Variants in TMEM132D observed in about 807,000 individuals in gnomAD.
The protein encoded by TMEM132D is mature OL transmembrane protein.
TMEM132D carries 21 observed loss-of-function variants against 62.3 expected under a neutral mutation model. The ratio of observed to expected loss-of-function variants is 0.34; its 90% CI spans 0.24 to 0.49. TMEM132D has a LOEUF of 0.49. Among genes scored for constraint, TMEM132D ranks in the 20% least tolerant of loss-of-function variants. The pLI is 0.99. For synonymous variants in TMEM132D, 621 were observed against 575.6 expected (o/e 1.08, Z -1.13); for missense variants, 1,346 against 1,402.8 (o/e 0.96, Z 0.65).
intron 3 of TMEM132D, among the ~76,000 whole-genome samples, chr12:129,361,296 C>A (rs1351094295): frequency 6.6e-6 from 1 of 152,176 alleles, no homozygotes; most frequent in Non-Finnish European, 1.5e-5. Context: ...TTAGATCTTT[C>A]TAAGCTCATG....
intron 5 of TMEM132D, among the ~76,000 whole-genome samples, chr12:129,203,758 GCACAACCC>G: frequency 6.6e-6 from 1 of 152,210 alleles, no homozygotes; most frequent in South Asian, 2.1e-4. Context: ...GGACAGGCGG[GCACAACCC>G]CATATTTCCC....
intron 3 of TMEM132D, among the ~76,000 whole-genome samples, chr12:129,403,410 G>T (rs541670079): frequency 6.6e-6 from 1 of 151,554 alleles, no homozygotes; most frequent in Non-Finnish European, 1.5e-5. Flanking sequence ...TTGCAACACA[G>T]ATGTTAGGGG....
chr12:129,830,936 G>A (rs913468431), intron 1 of TMEM132D, among the ~76,000 whole-genome samples: 3 of 152,140 alleles, frequency 2.0e-5, no homozygotes, highest in African/African-American at 7.2e-5. Context: ...GAGAATTCAA[G>A]TGTTGGAGAC....
At chr12:129,359,811 T>G (rs1870188089) in intron 3 of TMEM132D, among the ~76,000 whole-genome samples, 1 of 151,800 alleles carries the variant, frequency 6.6e-6, no homozygotes, top group Non-Finnish European at 1.5e-5. Flanking sequence ...GTATTCTGAA[T>G]AAGAAGAAAT....
intron 1 of TMEM132D, among the ~76,000 whole-genome samples, chr12:129,758,823 T>C (rs1480283563): frequency 6.6e-6 from 1 of 152,234 alleles, no homozygotes; most frequent in African/African-American, 2.4e-5. Flanking sequence ...TACTGTATAA[T>C]GTCCTAGCCT....
At chr12:129,899,741 CATAA>C (rs1257941000) in intron 1 of TMEM132D, among the ~76,000 whole-genome samples, 1 of 152,140 alleles carries the variant, frequency 6.6e-6, no homozygotes, top group African/African-American at 2.4e-5. Flanking sequence ...TTTCTATGCA[CATAA>C]ATATTTTTAA....
Position 129,092,298 on chromosome 12 carries a change from CTTT to C in TMEM132D, c.1444-7599_1444-7597del, listed in dbSNP as rs1485435940. ...TAAATTTATGTTCTAATATTTCTCT[CTTT>C]CCTTTTTTTTTTTTTTTTGTTCAAG... is the stretch of plus-strand genomic sequence containing the variant. On this transcript the variant is annotated intron_variant, in intron 5 of 8. Coordinates refer to ENST00000422113, the MANE Select transcript of TMEM132D (RefSeq NM_133448.3). 2.7e-5 allele frequency among the ~76,000 whole-genome samples: 3 copies of C among 111,114 alleles called. No individual in the cohort carries two copies. The Admixed American group carries it at 3.4e-4, about 13-fold the overall frequency. The allele number at this position is 111,114 out of a possible 152,430, so 72.9% of individuals were successfully genotyped here.
intron 3 of TMEM132D, among the ~76,000 whole-genome samples, chr12:129,525,540 G>A (rs1299770878): frequency 6.6e-6 from 1 of 152,066 alleles, no homozygotes; most frequent in Non-Finnish European, 1.5e-5. Flanking sequence ...TACTACATGG[G>A]TGCTTTAAGA....
intron 1 of TMEM132D, among the ~76,000 whole-genome samples, chr12:129,794,460 T>C (rs1371615720): frequency 6.6e-6 from 1 of 152,114 alleles, no homozygotes; most frequent in African/African-American, 2.4e-5. Context: ...CTTTTAAATA[T>C]TTGCCTGGTT....
intron 2 of TMEM132D, among the ~76,000 whole-genome samples, chr12:129,630,395 A>T (rs1051438284): frequency 2.0e-5 from 3 of 152,090 alleles, no homozygotes; most frequent in Admixed American, 6.6e-5. Flanking sequence ...AGGAGTATTA[A>T]GGCTGAAAAT....
At chr12:129,476,002 G>A (rs189344467) in intron 3 of TMEM132D, among the ~76,000 whole-genome samples, 2 of 152,308 alleles carry the variant, frequency 1.3e-5, no homozygotes, top group East Asian at 1.9e-4. Context: ...TTGTAAGCGG[G>A]TGTTCCCTCT....
At chr12:129,270,810 T>C (rs191403948) in intron 4 of TMEM132D, among the ~76,000 whole-genome samples, 1 of 152,392 alleles carries the variant, frequency 6.6e-6, no homozygotes, top group East Asian at 1.9e-4. Context: ...GTGCTCATCC[T>C]CCAATTTGGT....
At chr12:129,860,888 A>G (rs1460837087) in intron 1 of TMEM132D, among the ~76,000 whole-genome samples, 1 of 152,224 alleles carries the variant, frequency 6.6e-6, no homozygotes, top group Admixed American at 6.5e-5. Context: ...CAGTATCACA[A>G]GAACAGGATT....
intron 4 of TMEM132D, among the ~76,000 whole-genome samples, chr12:129,292,815 C>G (rs1443754091): frequency 6.6e-6 from 1 of 152,080 alleles, no homozygotes; most frequent in African/African-American, 2.4e-5. Flanking sequence ...AGAGAAAGAC[C>G]TTTTCTTGGC....
intron 3 of TMEM132D, among the ~76,000 whole-genome samples, chr12:129,413,805 T>C (rs1872037282): frequency 6.6e-6 from 1 of 152,110 alleles, no homozygotes; most frequent in Admixed American, 6.6e-5. Flanking sequence ...ATAATAGAGG[T>C]TTGCACAGTG....
intron 3 of TMEM132D, among the ~76,000 whole-genome samples, chr12:129,373,642 A>G (rs962175225): frequency 6.6e-6 from 1 of 151,354 alleles, no homozygotes; most frequent in African/African-American, 2.4e-5. Flanking sequence ...AACAAACAAA[A>G]CAAAACAAAA....
At chr12:129,675,721 G>A (rs1209069933) in intron 2 of TMEM132D, among the ~76,000 whole-genome samples, 1 of 152,114 alleles carries the variant, frequency 6.6e-6, no homozygotes, top group Non-Finnish European at 1.5e-5. Flanking sequence ...GGGGGAGAAA[G>A]TAGTGGGTGG....
At chr12:129,648,063 C>T (rs1217181023) in intron 2 of TMEM132D, among the ~76,000 whole-genome samples, 5 of 152,180 alleles carry the variant, frequency 3.3e-5, no homozygotes, top group Non-Finnish European at 7.3e-5. Flanking sequence ...AAAACCAATG[C>T]ATTTTTCACA....
chr12:129,154,762 CCTT>C (rs1196658620), intron 5 of TMEM132D, among the ~76,000 whole-genome samples: 1 of 152,090 alleles, frequency 6.6e-6, no homozygotes, highest in African/African-American at 2.4e-5. Context: ...CTTTCTGACT[CCTT>C]AGAGATGGCA....
Sources: gnomAD v4.1 joint callset for allele counts (sites outside exome capture counted in the v4.1 genomes callset) on GRCh38, gnomAD v4.1.1 for gene constraint, MANE v1.5 for transcripts, NCBI Gene and HGNC (gene_info 2026-07-23, HGNC 2026-07-21) for gene names.